KCNK12: variants seen among roughly 807,000 people sequenced by gnomAD.
The protein encoded by KCNK12 is potassium channel subfamily K member 12.
Under a neutral mutation model 25.3 loss-of-function variants are expected in KCNK12, and 6 were observed. The observed-to-expected ratio is 0.24, with a 90% CI of 0.13 to 0.47. The LOEUF is 0.47. Among genes scored for constraint, KCNK12 ranks in the 20% least tolerant of loss-of-function variants. The probability of loss-of-function intolerance (pLI) is 0.99; values close to 1 mark genes in which losing one functional copy is unlikely to be tolerated. For synonymous variants in KCNK12, 331 were observed against 311.1 expected (o/e 1.06, Z -0.67); for missense variants, 444 against 661.7 (o/e 0.67, Z 3.61).
rs549126471 is a variant in KCNK12, at chr2:47,509,833, C to G, written c.*11074G>C. 9.9e-5 allele frequency among the ~76,000 whole-genome samples: 15 copies of G among 152,222 alleles called. No individual in the cohort carries two copies. Among genetic ancestry groups the G allele is most frequent in the Admixed American group, 2.0e-4 (3 of 15,288 alleles). On this transcript the variant is annotated 3_prime_UTR_variant, in exon 2 of 2. Transcript: ENST00000327876. Reference sequence around the variant, plus strand: ...GTGTAAGGCCAGGGGACTTCCCCCCCACTCCCCAACCTGAGGCATGCACCC... The same window carrying G: ...GTGTAAGGCCAGGGGACTTCCCCCCGACTCCCCAACCTGAGGCATGCACCC...
At chr2:47,526,909 T>C (rs1558548998) in intron 1 of KCNK12, among the ~76,000 whole-genome samples, 1 of 152,244 alleles carries the variant, frequency 6.6e-6, no homozygotes, top group Non-Finnish European at 1.5e-5. Context: ...TTTCTCTTCA[T>C]TGTGGTGAAA....
Position 47,560,118 on chromosome 2 carries a change from T to C in KCNK12, c.391+9823A>G, listed in dbSNP as rs11903353. Among the ~76,000 whole-genome samples the C allele has an allele frequency of 0.14, 21,350 of 152,156 alleles. 1,566 individuals are homozygous for C. Among genetic ancestry groups the C allele is most frequent in the Admixed American group, 0.19 (2,853 of 15,294 alleles). On this transcript the variant is annotated intron_variant, in intron 1 of 1. Transcript: ENST00000327876. The surrounding 1 kb of genome is among the most constrained non-coding windows in gnomAD (Gnocchi z 4.7). ...GGCTATGTCCCCAGGCTTTCCTTGC[T>C]GGTGTGCTTAAGGGAGGCCCTCCTG...
intron 1 of KCNK12, among the ~76,000 whole-genome samples, chr2:47,549,687 G>A (rs1214950099): frequency 1.3e-5 from 2 of 152,186 alleles, no homozygotes; most frequent in Non-Finnish European, 2.9e-5. Context: ...TGTAATCCCA[G>A]CACTTTGGGA....
Position 47,518,088 on chromosome 2 carries a change from G to C in KCNK12, c.*2819C>G, listed in dbSNP as rs1335633395. ...TCAGAAGAACCTGCACCAAAGAAAG[G>C]CATCCCTATCAATGTCACTGTTCCT... On this transcript the variant is annotated 3_prime_UTR_variant, in exon 2 of 2. Coordinates refer to ENST00000327876, the MANE Select transcript of KCNK12 (RefSeq NM_022055.2). This position sits in a 1 kb window ranked among gnomAD's most constrained non-coding sequence, Gnocchi z 4.1. The C allele has an allele frequency of 6.6e-6, 1 of 152,188 alleles. No homozygotes were observed. Among genetic ancestry groups the C allele is most frequent in the African/African-American group, 2.4e-5 (1 of 41,430 alleles). The allele number at this position is 152,188 out of a possible 1,614,324, so 9.4% of individuals were successfully genotyped here.
In KCNK12 at chr2:47,511,201, G is replaced by A. The variant is rs767145938; in HGVS notation, c.*9706C>T. Among the ~76,000 whole-genome samples, 2 of 152,208 alleles carry A rather than the reference G, an allele frequency of 1.3e-5. No individual in the cohort carries two copies. The highest frequency in any genetic ancestry group is 2.9e-5 in the Non-Finnish European group (2 of 68,042). On this transcript the variant is annotated 3_prime_UTR_variant, in exon 2 of 2. Transcript: ENST00000327876. This position sits in a 1 kb window ranked among gnomAD's most constrained non-coding sequence, Gnocchi z 4.3. The stretch of plus-strand genomic sequence containing the variant: ...TGCTTGAATTAGCTAGTGAATTGCT[G>A]TGTGGCCTCCTTACTGAGCCTCATT...
chr2:47,521,630 C>T lies in KCNK12; in HGVS notation c.570G>A (p.Leu190=), dbSNP rs775695368. ...RERQLRRSGL[L]PATFRRGSAL... The stretch of plus-strand genomic sequence containing the variant: ...CGGAGCCGCGGCGGAAGGTGGCGGG[C>T]AGCAGGCCGCTGCGGCGCAGCTGGC... The change falls in exon 2 of 2, where the codon CTG becomes CTA. Residue 190 remains leucine (L), a synonymous_variant. Transcript: ENST00000327876. 3 of 1,582,326 alleles carry T rather than the reference C, an allele frequency of 1.9e-6. No homozygotes were observed. Among genetic ancestry groups the T allele is most frequent in the Non-Finnish European group, 2.6e-6 (3 of 1,166,064 alleles).
rs980775903 is a variant in KCNK12 at position 47,528,635 on chromosome 2, G to T, written c.392-6827C>A. 6.6e-6 allele frequency among the ~76,000 whole-genome samples: 1 copy of T among 152,128 alleles called. No individual in the cohort carries two copies. Among genetic ancestry groups the T allele is most frequent in the African/African-American group, 2.4e-5 (1 of 41,400 alleles). On this transcript the variant is annotated intron_variant, in intron 1 of 1. Transcript: ENST00000327876. The surrounding 1 kb of genome is among the most constrained non-coding windows in gnomAD (Gnocchi z 4.5). ...CCTGCAGAGGCGTGATCTGTCCCTG[G>T]GTTCGCACCAAGCCTGCTATTTTGT...
chr2:47,554,701 G>T (rs1461799817), intron 1 of KCNK12, among the ~76,000 whole-genome samples: 1 of 152,194 alleles, frequency 6.6e-6, no homozygotes, highest in Non-Finnish European at 1.5e-5. Flanking sequence ...CAAAGGACTT[G>T]GCCTGACTTC....
chr2:47,566,853 TG>T lies in KCNK12; in HGVS notation c.391+3087del, dbSNP rs1415178901. 2 of 152,242 alleles carry T rather than the reference TG, an allele frequency of 1.3e-5. No individual in the cohort carries two copies. The highest frequency in any genetic ancestry group is 2.9e-5 in the Non-Finnish European group (2 of 68,052). The allele number at this position is 152,242 out of a possible 1,614,324, so 9.4% of individuals were successfully genotyped here. A position where few individuals can be genotyped will look rare whatever the true frequency, so the allele number is the denominator to read the frequency against. The stretch of plus-strand genomic sequence containing the variant: ...CTAGCTGAACCCCTCATTAACTGTG[TG>T]ACCACTGACAAGTCCCCTAACCCTG... On this transcript the variant is annotated intron_variant, in intron 1 of 1. Transcript: ENST00000327876. This position sits in a 1 kb window ranked among gnomAD's most constrained non-coding sequence, Gnocchi z 4.1.
rs1668985185 is a variant in KCNK12, at chr2:47,533,584, T to G, written c.392-11776A>C. On this transcript the variant is annotated intron_variant, in intron 1 of 1. Transcript: ENST00000327876. This position sits in a 1 kb window ranked among gnomAD's most constrained non-coding sequence, Gnocchi z 4.7. Reference sequence around the variant, plus strand: ...TGGCTCTACCATTGGCTCGCCGTTCTCCTACCTCGCTGGGCCTCCATCTCC... The same window carrying G: ...TGGCTCTACCATTGGCTCGCCGTTCGCCTACCTCGCTGGGCCTCCATCTCC... Among the ~76,000 whole-genome samples the G allele has an allele frequency of 6.6e-6, 1 of 152,242 alleles. No homozygotes were observed. The highest frequency in any genetic ancestry group is 1.5e-5 in the Non-Finnish European group (1 of 68,044).
In KCNK12 at chr2:47,556,566, C is replaced by T. The variant is rs1669554591; in HGVS notation, c.391+13375G>A. Among the ~76,000 whole-genome samples, 1 of 152,038 alleles carries T rather than the reference C, an allele frequency of 6.6e-6. No homozygotes were observed. On this transcript the variant is annotated intron_variant, in intron 1 of 1. Transcript: ENST00000327876. The surrounding 1 kb of genome is among the most constrained non-coding windows in gnomAD (Gnocchi z 4.8). ...AATTTAAAGTTGGACCAGTCAGCAT[C>T]TCTGCATAGTTTGTTAGCCATATTC...
Position 47,556,738 on chromosome 2 carries a change from G to A in KCNK12, c.391+13203C>T, listed in dbSNP as rs1669558084. 6.6e-6 allele frequency among the ~76,000 whole-genome samples: 1 copy of A among 152,196 alleles called. No homozygotes were observed. Among genetic ancestry groups the A allele is most frequent in the South Asian group, 2.1e-4 (1 of 4,828 alleles). On this transcript the variant is annotated intron_variant, in intron 1 of 1. Coordinates refer to ENST00000327876, the MANE Select transcript of KCNK12 (RefSeq NM_022055.2). This position sits in a 1 kb window ranked among gnomAD's most constrained non-coding sequence, Gnocchi z 4.8. ...AAAAAAGAAATGCAGGCTCAAAGAAGATGGTGGAAAAATAAGAGTGGGAGT... is the reference window on the plus strand; with the variant it reads ...AAAAAAGAAATGCAGGCTCAAAGAAAATGGTGGAAAAATAAGAGTGGGAGT...
rs921401958 is a variant in KCNK12, at chr2:47,533,503, G to T, written c.392-11695C>A. 1.3e-5 allele frequency among the ~76,000 whole-genome samples: 2 copies of T among 152,202 alleles called. No individual in the cohort carries two copies. The highest frequency in any genetic ancestry group is 2.4e-5 in the African/African-American group (1 of 41,446). On this transcript the variant is annotated intron_variant, in intron 1 of 1. Transcript: ENST00000327876. The surrounding 1 kb of genome is among the most constrained non-coding windows in gnomAD (Gnocchi z 4.7). The stretch of plus-strand genomic sequence containing the variant: ...GGCAGGCAAGGAATGGGCAAATCAC[G>T]ACATGACATATGGATTTCCATGGCA...
In KCNK12 at chr2:47,515,214, G is replaced by T. The variant is rs995188960; in HGVS notation, c.*5693C>A. ...ACGGCAGCCTAGCTAATGGGTCTTG[G>T]CTGGAAGCTAACAGGAAGGCCTCTT... is the stretch of plus-strand genomic sequence containing the variant. On this transcript the variant is annotated 3_prime_UTR_variant, in exon 2 of 2. Transcript: ENST00000327876. Among the ~76,000 whole-genome samples the T allele has an allele frequency of 6.6e-6, 1 of 152,190 alleles. No individual in the cohort carries two copies. The highest frequency in any genetic ancestry group is 2.4e-5 in the African/African-American group (1 of 41,434).
At chr2:47,558,092 C>T (rs767579223) in intron 1 of KCNK12, among the ~76,000 whole-genome samples, 10 of 152,192 alleles carry the variant, frequency 6.6e-5, no homozygotes, top group East Asian at 1.9e-4. Context: ...ATCTTGGAAA[C>T]GGCCATTCAT....
chr2:47,544,335 C>A (rs1295337361), intron 1 of KCNK12, among the ~76,000 whole-genome samples: 10 of 152,236 alleles, frequency 6.6e-5, no homozygotes, highest in Admixed American at 6.5e-4. Context: ...GCCTCATAAC[C>A]CAGGGAACCC....
In KCNK12 at chr2:47,562,960, C is replaced by G. The variant is rs1669712196; in HGVS notation, c.391+6981G>C. ...CCCCGACCCCGGAAAGTCAGTGGAACTGGACGGAAAAAATGGAAGGGCCAG... is the reference window on the plus strand; with the variant it reads ...CCCCGACCCCGGAAAGTCAGTGGAAGTGGACGGAAAAAATGGAAGGGCCAG... On this transcript the variant is annotated intron_variant, in intron 1 of 1. Coordinates refer to ENST00000327876, the MANE Select transcript of KCNK12 (RefSeq NM_022055.2). The surrounding 1 kb of genome is among the most constrained non-coding windows in gnomAD (Gnocchi z 4.8). 1 of 233,410 alleles carries G rather than the reference C, an allele frequency of 4.3e-6. No individual in the cohort carries two copies. Among genetic ancestry groups the G allele is most frequent in the Admixed American group, 5.6e-5 (1 of 17,770 alleles). 14.5% of individuals were successfully genotyped at this position (233,410 alleles called of 1,614,324 possible).
At position 47,555,541 on chromosome 2, in the gene KCNK12, A is replaced by T. The variant is rs940003179; in HGVS notation, c.391+14400T>A. 6.6e-6 allele frequency among the ~76,000 whole-genome samples: 1 copy of T among 152,040 alleles called. No homozygotes were observed. The highest frequency in any genetic ancestry group is 2.1e-4 in the South Asian group (1 of 4,812). ...TAATTTACCACTTCTAGAAGTCCAA[A>T]CTCCTTTTATCTCATCATTACTTCA... On this transcript the variant is annotated intron_variant, in intron 1 of 1. Coordinates refer to ENST00000327876, the MANE Select transcript of KCNK12 (RefSeq NM_022055.2). The surrounding 1 kb of genome is among the most constrained non-coding windows in gnomAD (Gnocchi z 4.5).
chr2:47,567,362 A>AC (rs1218557072), intron 1 of KCNK12, among the ~76,000 whole-genome samples: 1 of 152,174 alleles, frequency 6.6e-6, no homozygotes, highest in African/African-American at 2.4e-5. Flanking sequence ...GATCTGTTGA[A>AC]CCCATACAAG....
Sources: allele counts gnomAD v4.1 joint callset (sites outside exome capture counted in the v4.1 genomes callset), GRCh38; gene constraint gnomAD v4.1.1; non-coding constraint Gnocchi (gnomAD v3.1); transcripts MANE v1.5; gene names NCBI Gene and HGNC (gene_info 2026-07-23, HGNC 2026-07-21).